The following FHIP1A variants were observed in gnomAD, a reference collection of about 807,000 sequenced individuals.
The protein encoded by FHIP1A is FHF complex subunit HOOK interacting protein 1A.
In FHIP1A, 61 loss-of-function variants were observed where a neutral mutation model predicts 88.6. That is an observed-to-expected ratio of 0.69 (90% CI 0.56 to 0.85). The LOEUF (loss-of-function observed/expected upper bound fraction) is 0.85, where lower values mean the gene tolerates loss of function less well. Among genes scored for constraint, FHIP1A ranks in the 40% least tolerant of loss-of-function variants. The pLI is 0.00. For synonymous variants in FHIP1A, 478 were observed against 496.0 expected, an observed-to-expected ratio of 0.96 and a Z score of 0.48; for missense variants, 1,154 against 1,273.5, an observed-to-expected ratio of 0.91 and a Z score of 1.43.
In FHIP1A at chr4:151,454,815, A is replaced by G. The variant is rs1184486765; in HGVS notation, c.-248+7A>G. 1 of 152,178 alleles carries G rather than the reference A, an allele frequency of 6.6e-6. No individual in the cohort carries two copies. The highest frequency in any genetic ancestry group is 1.5e-5 in the Non-Finnish European group (1 of 68,036). The allele number at this position is 152,178 out of a possible 1,614,324, so 9.4% of individuals were successfully genotyped here. On this transcript the variant is annotated splice_region_variant and intron_variant, in intron 2 of 13. Transcript: ENST00000435205. The stretch of plus-strand genomic sequence containing the variant: ...TAGCGTCAAAGAAGTTGAGGTAGGA[A>G]TATTTATAAATACGTTCCTTAACTT...
intron 1 of FHIP1A, among the ~76,000 whole-genome samples, chr4:151,435,134 T>C (rs2126547324): frequency 6.6e-6 from 1 of 151,282 alleles, no homozygotes; most frequent in African/African-American, 2.4e-5. Context: ...CTTCTAGTCT[T>C]GCTATTTTGA....
chr4:151,430,797 A>G (rs1456975104), intron 1 of FHIP1A, among the ~76,000 whole-genome samples: 2 of 152,200 alleles, frequency 1.3e-5, no homozygotes, highest in African/African-American at 2.4e-5. Flanking sequence ...AATCAACATG[A>G]TACGATGCTT....
intron 6 of FHIP1A, among the ~76,000 whole-genome samples, chr4:151,588,554 A>G (rs896882702): frequency 6.6e-6 from 1 of 152,172 alleles, no homozygotes; most frequent in Non-Finnish European, 1.5e-5. Flanking sequence ...ATCCTTATAC[A>G]TACTCAGTCT....
At chr4:151,526,603 G>C (rs1731660751) in intron 3 of FHIP1A, among the ~76,000 whole-genome samples, 1 of 146,074 alleles carries the variant, frequency 6.8e-6, no homozygotes, top group Non-Finnish European at 1.5e-5. Flanking sequence ...GCGGCTGGCC[G>C]GGCGAGGGGC....
At chr4:151,612,902 T>G (rs1735380692) in intron 7 of FHIP1A, among the ~76,000 whole-genome samples, 1 of 152,222 alleles carries the variant, frequency 6.6e-6, no homozygotes, top group African/African-American at 2.4e-5. Flanking sequence ...AGAATGAAGT[T>G]AGGGTCACTT....
At chr4:151,559,778 G>T (rs1560768732) in intron 3 of FHIP1A, among the ~76,000 whole-genome samples, 2 of 152,158 alleles carry the variant, frequency 1.3e-5, no homozygotes, top group Non-Finnish European at 2.9e-5. Context: ...GTGGCTAAGA[G>T]AATGTGTCTG....
chr4:151,566,235 T>C lies in FHIP1A; in HGVS notation c.-25T>C. On this transcript the variant is annotated 5_prime_UTR_variant, in exon 4 of 14. It removes the in-frame stop codon of an upstream open reading frame in the 5' UTR. Transcript: ENST00000435205. ...ATTTTAATGAAAATTAAATATGACTTAGAAGCATTGATTTATGAAGGCTTA... is the reference window on the plus strand; with the variant it reads ...ATTTTAATGAAAATTAAATATGACTCAGAAGCATTGATTTATGAAGGCTTA... The C allele has an allele frequency of 7.0e-7, 1 of 1,437,934 alleles. No individual in the cohort carries two copies. Among genetic ancestry groups the C allele is most frequent in the Non-Finnish European group, 9.5e-7 (1 of 1,053,062 alleles). The allele number at this position is 1,437,934 out of a possible 1,614,324, so 89.1% of individuals were successfully genotyped here.
At chr4:151,586,296 A>G (rs1403923429) in intron 5 of FHIP1A, among the ~76,000 whole-genome samples, 1 of 152,100 alleles carries the variant, frequency 6.6e-6, no homozygotes, top group East Asian at 1.9e-4. Flanking sequence ...TCCTCTCCTG[A>G]ACTTCTTGAG....
At chr4:151,450,797 A>G (rs549940662) in intron 1 of FHIP1A, among the ~76,000 whole-genome samples, 4 of 151,320 alleles carry the variant, frequency 2.6e-5, no homozygotes, top group African/African-American at 7.3e-5. Flanking sequence ...TTTTTTTCTG[A>G]GACAGAGTTT....
intron 7 of FHIP1A, among the ~76,000 whole-genome samples, chr4:151,627,862 G>A (rs1736008842): frequency 6.6e-6 from 1 of 152,214 alleles, no homozygotes; most frequent in Admixed American, 6.5e-5. Flanking sequence ...CATTCACTCA[G>A]GAAGAAGTAC....
intron 3 of FHIP1A, among the ~76,000 whole-genome samples, chr4:151,486,497 A>G (rs1730087506): frequency 6.6e-6 from 1 of 152,124 alleles, no homozygotes; most frequent in South Asian, 2.1e-4. Context: ...TAGTTCTCAT[A>G]TCTATGATCT....
At chr4:151,515,287 A>G (rs1731186721) in intron 3 of FHIP1A, among the ~76,000 whole-genome samples, 1 of 151,122 alleles carries the variant, frequency 6.6e-6, no homozygotes, top group Non-Finnish European at 1.5e-5. Context: ...TAAATTAGGT[A>G]TTGATGGGAC....
chr4:151,509,039 G>A (rs1191619044), intron 3 of FHIP1A, among the ~76,000 whole-genome samples: 1 of 152,172 alleles, frequency 6.6e-6, no homozygotes, highest in African/African-American at 2.4e-5. Flanking sequence ...TACAGTGCTA[G>A]GATGGGGCTT....
intron 7 of FHIP1A, among the ~76,000 whole-genome samples, chr4:151,610,963 T>C (rs563692873): frequency 4.6e-5 from 7 of 152,322 alleles, no homozygotes; most frequent in East Asian, 3.9e-4. Context: ...ACAAATGTTA[T>C]AATATATAGC....
At position 151,666,211 on chromosome 4, in the gene FHIP1A, G is replaced by T. The variant is rs1418812939; in HGVS notation, c.*3457G>T. 6.6e-6 allele frequency among the ~76,000 whole-genome samples: 1 copy of T among 152,194 alleles called. No individual in the cohort carries two copies. Among genetic ancestry groups the T allele is most frequent in the East Asian group, 1.9e-4 (1 of 5,202 alleles). On this transcript the variant is annotated 3_prime_UTR_variant, in exon 14 of 14. Transcript: ENST00000435205. The stretch of plus-strand genomic sequence containing the variant: ...GTTCAGCCTAAAACATAATTTCATG[G>T]GTGGTAAAATACAATTTCCCAACCA...
intron 3 of FHIP1A, among the ~76,000 whole-genome samples, chr4:151,519,186 T>A (rs2126692017): frequency 6.6e-6 from 1 of 152,326 alleles, no homozygotes; most frequent in East Asian, 1.9e-4. Context: ...TAATATAGAT[T>A]ATATAACATC....
chr4:151,445,590 CTTA>C (rs1352839882), intron 1 of FHIP1A, among the ~76,000 whole-genome samples: 1 of 151,832 alleles, frequency 6.6e-6, no homozygotes, highest in Non-Finnish European at 1.5e-5. Flanking sequence ...TTGAAAAGGG[CTTA>C]TTATGAATAA....
intron 3 of FHIP1A, among the ~76,000 whole-genome samples, chr4:151,539,717 T>C (rs1310235979): frequency 6.6e-6 from 1 of 152,186 alleles, no homozygotes; most frequent in South Asian, 2.1e-4. Flanking sequence ...CTATTTCCCA[T>C]GTGTGCTCAA....
intron 7 of FHIP1A, among the ~76,000 whole-genome samples, chr4:151,593,674 G>C (rs369892268): frequency 6.6e-6 from 1 of 152,128 alleles, no homozygotes; most frequent in Non-Finnish European, 1.5e-5. Context: ...AGATGATAGG[G>C]TTTTCTAAAT....
Sources: allele counts gnomAD v4.1 joint callset (sites outside exome capture counted in the v4.1 genomes callset), GRCh38; gene constraint gnomAD v4.1.1; transcripts MANE v1.5; gene names NCBI Gene and HGNC (gene_info 2026-07-23, HGNC 2026-07-21).